WDR7: variants seen among roughly 807,000 people sequenced by gnomAD.
WDR7 encodes WD repeat-containing protein 7.
A neutral mutation model predicts 169.4 loss-of-function variants in WDR7; 46 were observed. The ratio of observed to expected loss-of-function variants is 0.27; its 90% CI spans 0.21 to 0.35. The LOEUF (loss-of-function observed/expected upper bound fraction) is 0.35. Among genes scored for constraint, WDR7 ranks in the 10% least tolerant of loss-of-function variants. WDR7 has a pLI of 1.00. For synonymous variants in WDR7, 612 were observed against 666.8 expected, an observed-to-expected ratio of 0.92 and a Z score of 1.27; for missense variants, 1,534 against 1,859.3, an observed-to-expected ratio of 0.83 and a Z score of 3.22.
intron 26 of WDR7, among the ~76,000 whole-genome samples, chr18:56,968,075 G>A (rs1371995758): frequency 6.6e-6 from 1 of 151,632 alleles, no homozygotes; most frequent in Admixed American, 6.6e-5. Flanking sequence ...GTAGATGTAG[G>A]CATTTACTTT....
At chr18:57,021,893 ATAAAATG>A (rs2048297098) in intron 27 of WDR7, among the ~76,000 whole-genome samples, 1 of 152,248 alleles carries the variant, frequency 6.6e-6, no homozygotes, top group Non-Finnish European at 1.5e-5. Flanking sequence ...TCAATAGGTA[ATAAAATG>A]TAAAATGGAT....
At chr18:56,755,665 G>T (rs1599018926) in intron 14 of WDR7, among the ~76,000 whole-genome samples, 1 of 152,196 alleles carries the variant, frequency 6.6e-6, no homozygotes, top group Non-Finnish European at 1.5e-5. Context: ...TCCTTTAGGA[G>T]ACTGGTCTGG....
intron 12 of WDR7, among the ~76,000 whole-genome samples, chr18:56,703,379 A>AT (rs1255097899): frequency 1.3e-5 from 2 of 152,168 alleles, no homozygotes; most frequent in Non-Finnish European, 2.9e-5. Flanking sequence ...CTTATCTCCC[A>AT]TTTTTGATTC....
intron 3 of WDR7, among the ~76,000 whole-genome samples, chr18:56,679,840 T>C (rs1280458006): frequency 2.6e-5 from 4 of 152,180 alleles, no homozygotes; most frequent in Non-Finnish European, 5.9e-5. Flanking sequence ...AACGTTATAT[T>C]GATATGTATT....
At chr18:56,979,703 A>G (rs2047614385) in intron 26 of WDR7, among the ~76,000 whole-genome samples, 1 of 152,156 alleles carries the variant, frequency 6.6e-6, no homozygotes, top group Non-Finnish European at 1.5e-5. Context: ...AGTATTTACC[A>G]CCTACTAGCT....
At chr18:56,923,844 T>C in intron 21 of WDR7, 78 bp from the exon 22 acceptor site, 2 of 1,343,386 alleles carry the variant, frequency 1.5e-6, no homozygotes, top group Non-Finnish European at 2.0e-6. Context: ...TGGATTATAT[T>C]TTGAAAGTAT....
intron 20 of WDR7, among the ~76,000 whole-genome samples, chr18:56,856,083 G>A (rs2045716259): frequency 6.6e-6 from 1 of 152,156 alleles, no homozygotes; most frequent in South Asian, 2.1e-4. Context: ...ATCCTAGAAG[G>A]AAACTAGAGG....
intron 21 of WDR7, among the ~76,000 whole-genome samples, chr18:56,908,886 G>A (rs1168979582): frequency 2.6e-5 from 4 of 152,014 alleles, no homozygotes; most frequent in Admixed American, 6.6e-5. Flanking sequence ...TTAAAGGATC[G>A]GAGTCCAATA....
At chr18:57,010,575 A>G (rs1194292622) in intron 26 of WDR7, among the ~76,000 whole-genome samples, 3 of 152,200 alleles carry the variant, frequency 2.0e-5, no homozygotes, top group African/African-American at 4.8e-5. Flanking sequence ...CATATAATAT[A>G]TTAACTTGTG....
At position 56,780,340 on chromosome 18, in the gene WDR7, A is replaced by G. The variant is rs530770880; in HGVS notation, c.3066+791A>G. Among the ~76,000 whole-genome samples the G allele has an allele frequency of 2.0e-5, 3 of 152,316 alleles. 1 individual carries two copies. In the South Asian group the frequency reaches 6.2e-4, roughly 32 times the overall value. ...ATCCAGGATTCTTAATTTTCCAAAT[A>G]TAAGTACGAGTAATATAATTGCTTC... On this transcript the variant is annotated intron_variant, in intron 18 of 27. Coordinates refer to ENST00000254442, the MANE Select transcript of WDR7 (RefSeq NM_015285.3).
chr18:56,774,649 T>A (rs992841187), intron 16 of WDR7, among the ~76,000 whole-genome samples: 1 of 152,176 alleles, frequency 6.6e-6, no homozygotes, highest in Non-Finnish European at 1.5e-5. Context: ...AGTAATTTTT[T>A]CTGCTAATTG....
At chr18:56,667,798 A>G (rs1019763609) in intron 1 of WDR7, among the ~76,000 whole-genome samples, 2 of 152,114 alleles carry the variant, frequency 1.3e-5, no homozygotes, top group Non-Finnish European at 2.9e-5. Flanking sequence ...TTTAGCTCTC[A>G]TATCAGTATT....
intron 21 of WDR7, among the ~76,000 whole-genome samples, chr18:56,905,669 G>T (rs915324306): frequency 2.0e-5 from 3 of 151,010 alleles, no homozygotes; most frequent in Non-Finnish European, 2.9e-5. Context: ...GGTGCTAAAA[G>T]AAATGTAATT....
At chr18:56,695,998 C>T (rs1336089000) in intron 11 of WDR7, among the ~76,000 whole-genome samples, 1 of 152,108 alleles carries the variant, frequency 6.6e-6, no homozygotes, top group Non-Finnish European at 1.5e-5. Context: ...ATCAACTCTT[C>T]AAAATCTCAT....
At chr18:56,929,099 TAGTG>T (rs2046845738) in intron 22 of WDR7, among the ~76,000 whole-genome samples, 1 of 151,734 alleles carries the variant, frequency 6.6e-6, no homozygotes, top group South Asian at 2.1e-4. Flanking sequence ...CTGGGCAACA[TAGTG>T]AGAACCTGTC....
chr18:56,810,896 A>G (rs534759934), intron 19 of WDR7, among the ~76,000 whole-genome samples: 1 of 152,250 alleles, frequency 6.6e-6, no homozygotes, highest in South Asian at 2.1e-4. Flanking sequence ...GGACAGTTTC[A>G]AACACCCCAA....
intron 20 of WDR7, among the ~76,000 whole-genome samples, chr18:56,825,093 G>A (rs1009549312): frequency 3.2e-4 from 49 of 152,290 alleles, no homozygotes; most frequent in African/African-American, 1.2e-3. Flanking sequence ...TTTGGTTGCT[G>A]CCTCTTCAGT....
At chr18:57,034,872 A>G in the WDR7 span, 1 of 152,114 alleles carries the variant, frequency 6.6e-6, no homozygotes, top group Non-Finnish European at 1.5e-5. Context: ...TCCTACAGCC[A>G]AACATGAGCA....
At chr18:56,835,574 T>C (rs2045382866) in intron 20 of WDR7, among the ~76,000 whole-genome samples, 2 of 152,194 alleles carry the variant, frequency 1.3e-5, no homozygotes, top group African/African-American at 4.8e-5. Context: ...AGGGTAGGTA[T>C]ATGTAAGTAT....
Sources: allele counts gnomAD v4.1 joint callset (sites outside exome capture counted in the v4.1 genomes callset), GRCh38; gene constraint gnomAD v4.1.1; transcripts MANE v1.5; gene names NCBI Gene and HGNC (gene_info 2026-07-23, HGNC 2026-07-21).